The following DGKI variants were observed in gnomAD, a reference collection of about 807,000 sequenced individuals.
DGKI encodes the protein DAG kinase iota.
In DGKI, 55 loss-of-function variants were observed where a neutral mutation model predicts 147.5. That is an observed-to-expected ratio of 0.37 (90% CI 0.30 to 0.47). The LOEUF (loss-of-function observed/expected upper bound fraction) is 0.47, where lower values mean the gene tolerates loss of function less well. Among genes scored for constraint, DGKI ranks in the 20% least tolerant of loss-of-function variants. The probability of loss-of-function intolerance (pLI) is 1.00; values close to 1 mark genes in which losing one functional copy is unlikely to be tolerated. For missense variants in DGKI, 1,007 were observed against 1,323.8 expected (o/e 0.76, Z 3.71); for synonymous variants, 469 against 477.1 (o/e 0.98, Z 0.22).
chr7:137,468,557 A>G (rs1049822103), intron 24 of DGKI, among the ~76,000 whole-genome samples: 58 of 152,212 alleles, frequency 3.8e-4, no homozygotes, highest in African/African-American at 1.3e-3. Flanking sequence ...ATCATGATTT[A>G]TGTGGGTTAG....
At chr7:137,704,010 TG>T (rs1793916666) in intron 1 of DGKI, among the ~76,000 whole-genome samples, 1 of 152,034 alleles carries the variant, frequency 6.6e-6, no homozygotes, top group Non-Finnish European at 1.5e-5. Context: ...CAGGAGTTTG[TG>T]ACCAGCCTGG....
At chr7:137,666,308 C>G (rs896747841) in intron 3 of DGKI, among the ~76,000 whole-genome samples, 1 of 152,168 alleles carries the variant, frequency 6.6e-6, no homozygotes, top group African/African-American at 2.4e-5. Flanking sequence ...GAGGCTGAGG[C>G]AGTAGGATCA....
At chr7:137,517,315 GAAAGAAAGAAAGAAAGAAAGAAAGAGAA>G (rs1563063940) in intron 21 of DGKI, among the ~76,000 whole-genome samples, 61 of 99,352 alleles carry the variant, frequency 6.1e-4, no homozygotes, top group Non-Finnish European at 7.4e-4. Flanking sequence ...AAGAAAGAAA[GAAAGAAAGAAAGAAAGAAAGAAAGAGAA>G]AGAAAGAAAG....
intron 32 of DGKI, 92 bp downstream of exon 32, chr7:137,395,506 G>T: frequency 8.2e-7 from 1 of 1,221,234 alleles, no homozygotes; most frequent in Non-Finnish European, 1.2e-6. Context: ...CATAAGCACA[G>T]AAAGGATGTC....
chr7:137,737,203 CCAAAA>C (rs1795048370), intron 1 of DGKI, among the ~76,000 whole-genome samples: 1 of 97,450 alleles, frequency 1.0e-5, no homozygotes, highest in African/African-American at 6.7e-5. Context: ...CCTCATTTCA[CCAAAA>C]AAAAAAAAAA....
At chr7:137,540,075 A>C (rs923144120) in intron 20 of DGKI, among the ~76,000 whole-genome samples, 7 of 152,208 alleles carry the variant, frequency 4.6e-5, no homozygotes, top group Non-Finnish European at 8.8e-5. Flanking sequence ...TAGTCCTACA[A>C]CTCCTAAAGA....
chr7:137,534,721 G>A (rs1486748986), intron 20 of DGKI, among the ~76,000 whole-genome samples: 1 of 152,032 alleles, frequency 6.6e-6, no homozygotes, highest in Non-Finnish European at 1.5e-5. Context: ...TCTTCAGAGG[G>A]TGACACAGAA....
intron 21 of DGKI, among the ~76,000 whole-genome samples, chr7:137,488,031 T>C (rs1427369434): frequency 1.3e-5 from 2 of 152,178 alleles, no homozygotes; most frequent in African/African-American, 2.4e-5. Context: ...TAATTATGCT[T>C]GCATTTTTTA....
intron 10 of DGKI, among the ~76,000 whole-genome samples, chr7:137,602,850 A>C (rs953639071): frequency 2.0e-5 from 3 of 152,130 alleles, no homozygotes; most frequent in African/African-American, 7.2e-5. Context: ...AATGCCAAAC[A>C]TAAAAACTGC....
intron 28 of DGKI, among the ~76,000 whole-genome samples, chr7:137,434,663 T>C (rs1813213973): frequency 6.6e-6 from 1 of 152,064 alleles, no homozygotes; most frequent in African/African-American, 2.4e-5. Context: ...GACAACTAGA[T>C]AATTATCACC....
chr7:137,753,748 C>A (rs1158306850), intron 1 of DGKI, among the ~76,000 whole-genome samples: 1 of 152,170 alleles, frequency 6.6e-6, no homozygotes, highest in Non-Finnish European at 1.5e-5. Flanking sequence ...AGGCTACAGA[C>A]AAAGCAGAAG....
chr7:137,506,839 C>A (rs1816385209), intron 21 of DGKI, among the ~76,000 whole-genome samples: 1 of 152,048 alleles, frequency 6.6e-6, no homozygotes, highest in African/African-American at 2.4e-5. Context: ...GAAAAAGAAA[C>A]TGTTCTGAGT....
At chr7:137,521,834 C>T (rs764022158) in intron 21 of DGKI, 32 bp downstream of exon 21, 38 of 1,465,918 alleles carry the variant, frequency 2.6e-5, no homozygotes, top group Middle Eastern at 1.7e-4. Context: ...ATAGGCTGAT[C>T]GCATGAAATC....
At chr7:137,535,207 C>T (rs557337374) in intron 20 of DGKI, among the ~76,000 whole-genome samples, 3 of 152,234 alleles carry the variant, frequency 2.0e-5, no homozygotes, top group African/African-American at 7.2e-5. Flanking sequence ...TCTAATCCTA[C>T]AACTAGTGTT....
At chr7:137,663,490 C>T (rs10271504) in intron 3 of DGKI, among the ~76,000 whole-genome samples, 3,093 of 152,252 alleles carry the variant, frequency 0.02, 109 homozygotes, top group African/African-American at 0.07. Flanking sequence ...TAGTAGGCAC[C>T]GACGCCTCTG....
intron 23 of DGKI, among the ~76,000 whole-genome samples, chr7:137,480,847 A>C (rs1056916427): frequency 6.6e-6 from 1 of 152,258 alleles, no homozygotes; most frequent in East Asian, 1.9e-4. Flanking sequence ...CACCCTGGGG[A>C]AATGGGGAAA....
chr7:137,787,005 C>A (rs1184905011), intron 1 of DGKI, among the ~76,000 whole-genome samples: 1 of 152,118 alleles, frequency 6.6e-6, no homozygotes, highest in East Asian at 1.9e-4. Context: ...AATCTAAGAC[C>A]TGAAACCATA....
At chr7:137,394,415 G>GGT (rs1260840853) in intron 32 of DGKI, among the ~76,000 whole-genome samples, 1 of 152,136 alleles carries the variant, frequency 6.6e-6, no homozygotes, top group African/African-American at 2.4e-5. Flanking sequence ...CCTGCTCTAT[G>GGT]GTGTTGATCT....
At chr7:137,778,624 T>C (rs546666259) in intron 1 of DGKI, among the ~76,000 whole-genome samples, 1 of 151,622 alleles carries the variant, frequency 6.6e-6, no homozygotes, top group South Asian at 2.1e-4. Context: ...TCAAAGGCAC[T>C]ACAAAGTGAA....
Sources: allele counts gnomAD v4.1 joint callset (sites outside exome capture counted in the v4.1 genomes callset), GRCh38; gene constraint gnomAD v4.1.1; transcripts MANE v1.5; gene names NCBI Gene and HGNC (gene_info 2026-07-23, HGNC 2026-07-21).